The following ANXA8 variants were observed in gnomAD, a reference collection of about 807,000 sequenced individuals.
ANXA8 encodes the protein annexin A8, also known as VAC-beta.
In ANXA8, 9 loss-of-function variants were observed where a neutral mutation model predicts 26.8. The observed-to-expected ratio is 0.34, with a 90% CI of 0.20 to 0.59. The LOEUF (loss-of-function observed/expected upper bound fraction) is 0.59. Among genes scored for constraint, ANXA8 ranks in the 20% least tolerant of loss-of-function variants. The probability of loss-of-function intolerance (pLI) is 0.84; values close to 1 mark genes in which losing one functional copy is unlikely to be tolerated. For synonymous variants in ANXA8, 39 were observed against 94.8 expected (o/e 0.41, Z 3.42); for missense variants, 83 against 238.5 (o/e 0.35, Z 4.29).
At chr10:47,548,883 C>T in the ANXA8 span, among the ~76,000 whole-genome samples, 2 of 152,236 alleles carry the variant, frequency 1.3e-5, no homozygotes, top group African/African-American at 2.4e-5. Context: ...ATAGATAATA[C>T]CTACTCACCT....
the ANXA8 span, among the ~76,000 whole-genome samples, chr10:47,945,988 C>A: frequency 2.3e-5 from 3 of 131,422 alleles, no homozygotes; most frequent in Non-Finnish European, 4.7e-5. Context: ...TCTGGCTACA[C>A]TGGGGAAAAC....
the ANXA8 span, among the ~76,000 whole-genome samples, chr10:47,701,618 A>C: frequency 3.3e-5 from 5 of 151,848 alleles, no homozygotes; most frequent in African/African-American, 1.2e-4. Flanking sequence ...TGTATGTAGT[A>C]TGCTGTCCTT....
the ANXA8 span, among the ~76,000 whole-genome samples, chr10:47,680,944 C>CT: frequency 6.6e-6 from 1 of 150,786 alleles, no homozygotes; most frequent in Admixed American, 6.6e-5. Flanking sequence ...AACTTGGATT[C>CT]TAGCTCCACA....
At chr10:47,669,675 A>G in the ANXA8 span, among the ~76,000 whole-genome samples, 1 of 151,688 alleles carries the variant, frequency 6.6e-6, no homozygotes, top group East Asian at 1.9e-4. Flanking sequence ...AGATCATGTC[A>G]CTGTACTCCA....
the ANXA8 span, among the ~76,000 whole-genome samples, chr10:47,493,728 C>T: frequency 6.6e-6 from 1 of 150,402 alleles, no homozygotes; most frequent in Admixed American, 6.6e-5. Flanking sequence ...GGGACAACTG[C>T]CCTTCCCCCC....
At chr10:47,952,076 T>TA in the ANXA8 span, among the ~76,000 whole-genome samples, 4 of 148,468 alleles carry the variant, frequency 2.7e-5, no homozygotes, top group African/African-American at 1.0e-4. Context: ...TACTTTTTTT[T>TA]AAAAAAATAA....
chr10:47,991,565 CA>C, the ANXA8 span: 1 of 1,600,482 alleles, frequency 6.2e-7, no homozygotes, highest in Non-Finnish European at 8.5e-7. Flanking sequence ...AGGAGGCAGC[CA>C]AATGTAGACT....
At chr10:47,500,583 T>G in the ANXA8 span, among the ~76,000 whole-genome samples, 3 of 136,610 alleles carry the variant, frequency 2.2e-5, no homozygotes, top group Admixed American at 1.5e-4. Flanking sequence ...CTTTTCCCTT[T>G]GTAATATACT....
chr10:47,687,916 A>G, the ANXA8 span, among the ~76,000 whole-genome samples: 1 of 151,806 alleles, frequency 6.6e-6, no homozygotes, highest in Non-Finnish European at 1.5e-5. Context: ...CCTGGCCAAC[A>G]TGGTGACACC....
At chr10:47,488,994 C>T (rs1467340487), upstream of ANXA8, among the ~76,000 whole-genome samples, 12 of 147,938 alleles carry the variant, frequency 8.1e-5, no homozygotes, top group African/African-American at 1.3e-4. Flanking sequence ...GGATTACAGG[C>T]GTGAGCCACC....
the ANXA8 span, among the ~76,000 whole-genome samples, chr10:47,667,584 C>T: frequency 6.6e-6 from 1 of 151,904 alleles, no homozygotes; most frequent in Non-Finnish European, 1.5e-5. Flanking sequence ...CAGAATCCCA[C>T]TCTCGCCCAG....
the ANXA8 span, among the ~76,000 whole-genome samples, chr10:47,513,139 A>AT: frequency 1.3e-5 from 2 of 148,974 alleles, no homozygotes; most frequent in East Asian, 4.4e-4. Flanking sequence ...GGTTCAAGCG[A>AT]TTCTCCTGCC....
At chr10:47,671,197 T>A in the ANXA8 span, among the ~76,000 whole-genome samples, 1 of 151,868 alleles carries the variant, frequency 6.6e-6, no homozygotes, top group Non-Finnish European at 1.5e-5. Flanking sequence ...CTCAGGCGGA[T>A]GGATCACTTG....
the ANXA8 span, among the ~76,000 whole-genome samples, chr10:47,979,143 T>A: frequency 6.6e-6 from 1 of 151,040 alleles, no homozygotes; most frequent in African/African-American, 2.4e-5. Context: ...TAAGAATATA[T>A]ATGCACTTAA....
At chr10:47,971,326 A>C in the ANXA8 span, among the ~76,000 whole-genome samples, 1 of 151,102 alleles carries the variant, frequency 6.6e-6, no homozygotes, top group Non-Finnish European at 1.5e-5. Context: ...GGGAGAGAGG[A>C]GATAAAGTGC....
the ANXA8 span, among the ~76,000 whole-genome samples, chr10:47,561,763 G>A: frequency 5.9e-5 from 9 of 151,602 alleles, no homozygotes; most frequent in Non-Finnish European, 1.0e-4. Flanking sequence ...GTCTGCCCTC[G>A]TGGTGCTAAC....
At chr10:47,682,931 C>A in the ANXA8 span, among the ~76,000 whole-genome samples, 1 of 152,208 alleles carries the variant, frequency 6.6e-6, no homozygotes. Flanking sequence ...CCCACACTGG[C>A]CTAAGGCATC....
the ANXA8 span, among the ~76,000 whole-genome samples, chr10:47,959,864 G>A: frequency 1.3e-5 from 2 of 151,604 alleles, no homozygotes; most frequent in South Asian, 2.1e-4. Flanking sequence ...GGGCTAAGAG[G>A]CTGTCAGCTT....
At chr10:47,653,112 G>A in the ANXA8 span, among the ~76,000 whole-genome samples, 1 of 150,834 alleles carries the variant, frequency 6.6e-6, no homozygotes, top group East Asian at 2.0e-4. Flanking sequence ...AGGAGTTCGA[G>A]ACCAGCCTGG....
Sources: allele counts gnomAD v4.1 joint callset (sites outside exome capture counted in the v4.1 genomes callset), GRCh38; gene constraint gnomAD v4.1.1; transcripts MANE v1.5; gene names NCBI Gene and HGNC (gene_info 2026-07-23, HGNC 2026-07-21).